The following CACNA1S variants were observed in gnomAD, a reference collection of about 807,000 sequenced individuals.
CACNA1S encodes the protein calcium voltage-gated channel subunit alpha1 S, also known as voltage-dependent L-type calcium channel subunit alpha-1S.
In CACNA1S, 126 loss-of-function variants were observed where a neutral mutation model predicts 207.4. The observed-to-expected ratio is 0.61, with a 90% CI of 0.53 to 0.70. The LOEUF (loss-of-function observed/expected upper bound fraction) is 0.70, where lower values mean the gene tolerates loss of function less well. CACNA1S is among the 30% of genes least tolerant of loss of function. The pLI is 0.00. For synonymous variants in CACNA1S, 960 were observed against 932.7 expected (o/e 1.03, Z -0.53); for missense variants, 2,349 against 2,422.8 (o/e 0.97, Z 0.64).
intron 2 of CACNA1S, among the ~76,000 whole-genome samples, chr1:201,102,754 T>C (rs1662726188): frequency 6.6e-6 from 1 of 152,188 alleles, no homozygotes; most frequent in African/African-American, 2.4e-5. Flanking sequence ...GTATAGACAG[T>C]TTGATTCCAG....
chr1:201,092,996 T>C (rs781758733), intron 3 of CACNA1S, among the ~76,000 whole-genome samples: 9 of 152,202 alleles, frequency 5.9e-5, no homozygotes, highest in African/African-American at 1.7e-4. Flanking sequence ...AGCCTCCTTA[T>C]TTATAAAATG....
At chr1:201,112,108 G>A (rs867414097) in intron 1 of CACNA1S, 80 bp downstream of exon 1, 2 of 1,437,136 alleles carry the variant, frequency 1.4e-6, no homozygotes, top group Non-Finnish European at 1.9e-6. Context: ...CCTCCTGTAG[G>A]AAGTTTGTGC....
At chr1:201,111,949 A>ACCCTCCTCCTCTTCCTCCTCCTCCCCCC (rs1558091715) in intron 1 of CACNA1S, among the ~76,000 whole-genome samples, 40 of 54,174 alleles carry the variant, frequency 7.4e-4, no homozygotes, top group Non-Finnish European at 1.0e-3. Context: ...CTCCTCCCCC[A>ACCCTCCTCCTCTTCCTCCTCCTCCCCCC]CCCTCCTCCT....
chr1:201,049,128 C>T, intron 34 of CACNA1S, 29 bp from the exon 35 acceptor site: 1 of 1,500,852 alleles, frequency 6.7e-7, no homozygotes, highest in Non-Finnish European at 9.2e-7. Flanking sequence ...ACTTGTGTAC[C>T]TGCTACCCTC....
rs879529302 is a variant in CACNA1S at position 201,108,114 on chromosome 1, T to C, written c.258+2050A>G. Among the ~76,000 whole-genome samples, 65 of 151,844 alleles carry C rather than the reference T, an allele frequency of 4.3e-4. 1 individual carries two copies. The highest frequency in any genetic ancestry group is 4.0e-3 in the Admixed American group (61 of 15,252). On this transcript the variant is annotated intron_variant, in intron 2 of 43. Coordinates refer to ENST00000362061, the MANE Select transcript of CACNA1S (RefSeq NM_000069.3). ...TAACCATTAAGATGTAATTTTTTTT[T>C]TTTTTTTTTGAGACAGGGTCTCACT...
At chr1:201,087,070 T>C (rs1662059439) in intron 7 of CACNA1S, among the ~76,000 whole-genome samples, 1 of 152,238 alleles carries the variant, frequency 6.6e-6, no homozygotes, top group Non-Finnish European at 1.5e-5. Flanking sequence ...TGATGGTGAC[T>C]TCTAGCCTCT....
At position 201,076,947 on chromosome 1, in the gene CACNA1S, A is replaced by T; in HGVS notation, c.1800T>A (p.Phe600Leu). Reference sequence around the variant, plus strand: ...GGAAGACGCTGATGAGGGCTTGGGGAAAGTTGTCAAAGTTGCTGCGCCGTA... The same window carrying T: ...GGAAGACGCTGATGAGGGCTTGGGGTAAGTTGTCAAAGTTGCTGCGCCGTA... ...TEVRRSNFDN[F>L]PQALISVFQV... Residue 600 changes from phenylalanine (F) to leucine (L), a missense_variant, in exon 12 of 44, where the codon TTT becomes TTA. Phe to Leu is a conservative substitution (Grantham distance 22). Coordinates refer to ENST00000362061, the MANE Select transcript of CACNA1S (RefSeq NM_000069.3). The T allele has an allele frequency of 6.2e-7, 1 of 1,614,176 alleles. No homozygotes were observed. Among genetic ancestry groups the T allele is most frequent in the Non-Finnish European group, 8.5e-7 (1 of 1,180,036 alleles).
chr1:201,094,661 G>C (rs1458417232), intron 2 of CACNA1S, among the ~76,000 whole-genome samples: 1 of 152,006 alleles, frequency 6.6e-6, no homozygotes, highest in African/African-American at 2.4e-5. Flanking sequence ...TTTTCCTTTA[G>C]GGTCCCCTGC....
intron 29 of CACNA1S, 61 bp downstream of exon 29, chr1:201,054,444 T>C (rs1660762754): frequency 6.6e-7 from 1 of 1,505,470 alleles, no homozygotes; most frequent in Non-Finnish European, 9.2e-7. Context: ...GGCCCATGCA[T>C]GCAAGTGGCA....
intron 2 of CACNA1S, among the ~76,000 whole-genome samples, chr1:201,101,046 C>CT (rs35472973): frequency 0.3 from 45,563 of 151,764 alleles, 7,120 homozygotes; most frequent in South Asian, 0.4. Context: ...TTTTACATTT[C>CT]TTTATTTTAA....
At chr1:201,084,917 TG>T (rs1163893606) in intron 9 of CACNA1S, 32 bp downstream of exon 9, 12 of 1,468,526 alleles carry the variant, frequency 8.2e-6, no homozygotes, top group Admixed American at 1.7e-5. Context: ...AGCTGGGGGT[TG>T]GGGGTTCCTG....
At chr1:201,073,453 C>T (rs879251769) in intron 15 of CACNA1S, 96 bp downstream of exon 15, 1 of 1,027,766 alleles carries the variant, frequency 9.7e-7, no homozygotes. Context: ...TCTCCTACCT[C>T]CCCACCCTAC....
chr1:201,053,641 A>AGGGGCAGGGCGGGGAGGGAGGTGCAC lies in CACNA1S; in HGVS notation c.3667-80_3667-55dup. On this transcript the variant is annotated intron_variant, in intron 29 of 43. Coordinates refer to ENST00000362061, the MANE Select transcript of CACNA1S (RefSeq NM_000069.3). This position sits in a 1 kb window ranked among gnomAD's most constrained non-coding sequence, Gnocchi z 5.1. The stretch of plus-strand genomic sequence containing the variant: ...CTGGGGGCAGAACCTCAGAGGGGTA[A>AGGGGCAGGGCGGGGAGGGAGGTGCAC]GGGGCAGGGCGGGGAGGGAGGTGCA... The AGGGGCAGGGCGGGGAGGGAGGTGCAC allele has an allele frequency of 2.4e-6, 2 of 847,962 alleles. No homozygotes were observed. The highest frequency in any genetic ancestry group is 3.7e-6 in the Non-Finnish European group (2 of 546,192). 52.5% of individuals were successfully genotyped at this position (847,962 alleles called of 1,614,324 possible).
rs1370091371 is a variant in CACNA1S at position 201,047,608 on chromosome 1, T to C, written c.4460A>G (p.Asn1487Ser). The change falls in exon 37 of 44, where the codon AAC becomes AGC. Residue 1487 changes from asparagine to serine, a missense_variant. Asn to Ser is a conservative substitution (Grantham distance 46). Coordinates refer to ENST00000362061, the MANE Select transcript of CACNA1S (RefSeq NM_000069.3). ...IKTEGNFEQA[N>S]EELRAIIKKI... is the part of the protein sequence containing the mutation. ...CTTGATGATGGCCCTCAGCTCCTCG[T>C]TGGCCTGCTCAAAGTTACCTGGAGC... is the stretch of plus-strand genomic sequence containing the variant. 3.1e-6 allele frequency: 5 copies of C among 1,614,024 alleles called. No individual in the cohort carries two copies. The African/African-American group carries it at 4.0e-5, about 13-fold the overall frequency.
intron 35 of CACNA1S, 22 bp from the exon 36 acceptor site, chr1:201,048,706 C>A (rs981270231): frequency 4.4e-6 from 7 of 1,602,322 alleles, no homozygotes; most frequent in South Asian, 1.1e-5. Flanking sequence ...GACGCAGTGG[C>A]CTGCCGCTGA....
chr1:201,093,738 C>G (rs746377044), intron 3 of CACNA1S, 144 bp downstream of exon 3: 53 of 989,812 alleles, frequency 5.4e-5, no homozygotes, highest in Non-Finnish European at 8.2e-5. Flanking sequence ...CTTGCTGGGC[C>G]GGCCTCTAAC....
Position 201,112,167 on chromosome 1 carries a change from G to C in CACNA1S, c.152+21C>G, listed in dbSNP as rs199693053. On this transcript the variant is annotated intron_variant, in intron 1 of 43. Transcript: ENST00000362061. The stretch of plus-strand genomic sequence containing the variant: ...CCTCATGACGCACACCCCCCCCCAC[G>C]GCCCGGGCCCTGAAGGATACTTCCA... The C allele has an allele frequency of 8.1e-6, 13 of 1,602,054 alleles. 1 individual carries two copies. The highest frequency in any genetic ancestry group is 1.1e-5 in the Non-Finnish European group (13 of 1,171,134).
At chr1:201,097,608 C>T (rs918215066) in intron 2 of CACNA1S, among the ~76,000 whole-genome samples, 1 of 152,208 alleles carries the variant, frequency 6.6e-6, no homozygotes, top group Admixed American at 6.5e-5. Context: ...TCCTGACAGA[C>T]CGCAGCTTCC....
rs531553039 is a variant in CACNA1S at position 201,086,068 on chromosome 1, C to A, written c.1005-487G>T. Among the ~76,000 whole-genome samples, 3 of 152,320 alleles carry A rather than the reference C, an allele frequency of 2.0e-5. No individual in the cohort carries two copies. In the South Asian group the frequency reaches 6.2e-4, roughly 32 times the overall value. The stretch of plus-strand genomic sequence containing the variant: ...GGCTGGAAGAAAAGGACCCAAGGCT[C>A]CATGAGGGATCTTCAGGCCAGCAGA... On this transcript the variant is annotated intron_variant, in intron 7 of 43. Coordinates refer to ENST00000362061, the MANE Select transcript of CACNA1S (RefSeq NM_000069.3).
Sources: allele counts gnomAD v4.1 joint callset (sites outside exome capture counted in the v4.1 genomes callset), GRCh38; gene constraint gnomAD v4.1.1; non-coding constraint Gnocchi (gnomAD v3.1); transcripts MANE v1.5; gene names NCBI Gene and HGNC (gene_info 2026-07-23, HGNC 2026-07-21).